The following RORB variants were observed in gnomAD, a reference collection of about 807,000 sequenced individuals.
RORB encodes the protein RAR related orphan receptor B.
In RORB, 6 loss-of-function variants were observed where a neutral mutation model predicts 59.1. The observed-to-expected ratio is 0.10, with a 90% CI of 0.06 to 0.20. RORB has a LOEUF of 0.20. RORB is among the 10% of genes least tolerant of loss of function. The pLI is 1.00. For missense variants in RORB, 320 were observed against 560.5 expected (o/e 0.57, Z 4.33); for synonymous variants, 215 against 204.5 (o/e 1.05, Z -0.44).
chr9:74,538,231 T>C (rs1037708920), intron 1 of RORB, among the ~76,000 whole-genome samples: 4 of 152,084 alleles, frequency 2.6e-5, no homozygotes, highest in Non-Finnish European at 4.4e-5. Context: ...GTACACTCTG[T>C]GGTGTTTACA....
chr9:74,611,123 A>C (rs1205176147), intron 1 of RORB, among the ~76,000 whole-genome samples: 1 of 152,150 alleles, frequency 6.6e-6, no homozygotes, highest in South Asian at 2.1e-4. Context: ...GCACTACGTT[A>C]GTGTGAAAAG....
chr9:74,669,283 A>T (rs575428779), intron 8 of RORB, among the ~76,000 whole-genome samples: 64 of 152,336 alleles, frequency 4.2e-4, no homozygotes, highest in African/African-American at 1.5e-3. Context: ...GTTTGAGAGC[A>T]GCCTGGCTAA....
Position 74,692,956 on chromosome 9 carries a change from A to G in RORB, c.*7338A>G, listed in dbSNP as rs1193374154. ...TTTTTTTAATCATAAATATACTAGA[A>G]TAAAACAGCACTCCCTAACAATTAA... is the stretch of plus-strand genomic sequence containing the variant. On this transcript the variant is annotated 3_prime_UTR_variant, in exon 10 of 10. Transcript: ENST00000376896. 1 of 152,192 alleles carries G rather than the reference A, an allele frequency of 6.6e-6. No individual in the cohort carries two copies. The highest frequency in any genetic ancestry group is 6.5e-5 in the Admixed American group (1 of 15,276). The allele number at this position is 152,192 out of a possible 1,614,324, so 9.4% of individuals were successfully genotyped here.
intron 1 of RORB, among the ~76,000 whole-genome samples, chr9:74,620,907 A>G (rs1823403436): frequency 6.6e-6 from 1 of 152,188 alleles, no homozygotes; most frequent in Non-Finnish European, 1.5e-5. Flanking sequence ...GGACCCTCTC[A>G]GATGCTCCTC....
chr9:74,508,080 G>GT (rs528467031), intron 1 of RORB, among the ~76,000 whole-genome samples: 3 of 151,990 alleles, frequency 2.0e-5, no homozygotes, highest in South Asian at 2.1e-4. Flanking sequence ...AATATGCTGA[G>GT]TTTTTTTCCC....
intron 2 of RORB, among the ~76,000 whole-genome samples, chr9:74,633,757 T>A (rs986962796): frequency 6.6e-6 from 1 of 152,210 alleles, no homozygotes; most frequent in South Asian, 2.1e-4. Context: ...TTTTACCTGA[T>A]GAACCCAAAT....
intron 2 of RORB, among the ~76,000 whole-genome samples, chr9:74,632,495 A>G (rs1239728554): frequency 6.6e-6 from 1 of 152,186 alleles, no homozygotes; most frequent in Non-Finnish European, 1.5e-5. Flanking sequence ...TAAACAACCC[A>G]TTCTAAATAA....
At chr9:74,682,808 T>G (rs1824569039) in intron 9 of RORB, among the ~76,000 whole-genome samples, 1 of 152,204 alleles carries the variant, frequency 6.6e-6, no homozygotes, top group Non-Finnish European at 1.5e-5. Context: ...GCCAGGCTGG[T>G]CTCAAACTCC....
intron 1 of RORB, among the ~76,000 whole-genome samples, chr9:74,623,282 G>T (rs1413017315): frequency 6.6e-6 from 1 of 152,184 alleles, no homozygotes; most frequent in South Asian, 2.1e-4. Context: ...ACCAAACATT[G>T]CTAGAATGCG....
intron 1 of RORB, among the ~76,000 whole-genome samples, chr9:74,559,985 T>G (rs529084248): frequency 6.6e-6 from 1 of 152,310 alleles, no homozygotes; most frequent in South Asian, 2.1e-4. Flanking sequence ...GTCATTTGAA[T>G]GTATTAATAT....
chr9:74,526,860 A>G (rs1033533830), intron 1 of RORB, among the ~76,000 whole-genome samples: 3 of 152,010 alleles, frequency 2.0e-5, no homozygotes, highest in Non-Finnish European at 4.4e-5. Context: ...AAAAGCAAGC[A>G]ACAAAGAGAG....
intron 1 of RORB, among the ~76,000 whole-genome samples, chr9:74,509,140 G>A (rs1825903164): frequency 6.6e-6 from 1 of 151,638 alleles, no homozygotes; most frequent in African/African-American, 2.4e-5. Flanking sequence ...GATCCCCTTG[G>A]GTAAACCATA....
chr9:74,679,542 C>G (rs1824507942), intron 9 of RORB, among the ~76,000 whole-genome samples: 2 of 152,078 alleles, frequency 1.3e-5, no homozygotes, highest in South Asian at 4.2e-4. Flanking sequence ...CAGCTCTCTC[C>G]TGGGATAGTT....
intron 1 of RORB, among the ~76,000 whole-genome samples, chr9:74,558,813 A>C (rs780364045): frequency 2.0e-5 from 3 of 152,212 alleles, no homozygotes; most frequent in Non-Finnish European, 4.4e-5. Flanking sequence ...GAGCTTTGCA[A>C]TCTGTATAAT....
At chr9:74,562,226 G>A (rs955433) in intron 1 of RORB, among the ~76,000 whole-genome samples, 62,870 of 151,922 alleles carry the variant, frequency 0.41, 14,012 homozygotes, top group East Asian at 0.77. Context: ...TGTACACTCA[G>A]TTATATGTCA....
chr9:74,560,231 T>C (rs963010489), intron 1 of RORB, among the ~76,000 whole-genome samples: 1 of 152,204 alleles, frequency 6.6e-6, no homozygotes, highest in Non-Finnish European at 1.5e-5. Context: ...CAGCTTAGTC[T>C]ACAGAGTTCA....
At chr9:74,674,036 T>C (rs1824392493) in intron 9 of RORB, among the ~76,000 whole-genome samples, 1 of 152,332 alleles carries the variant, frequency 6.6e-6, no homozygotes, top group South Asian at 2.1e-4. Flanking sequence ...TTGTCCATTA[T>C]CAAATGCTGG....
intron 8 of RORB, among the ~76,000 whole-genome samples, chr9:74,668,678 G>T (rs909868174): frequency 2.6e-5 from 4 of 152,174 alleles, no homozygotes; most frequent in African/African-American, 9.6e-5. Flanking sequence ...CAGATTTCCT[G>T]TTCATTAAGT....
intron 1 of RORB, among the ~76,000 whole-genome samples, chr9:74,586,442 A>G (rs1258844309): frequency 2.0e-5 from 3 of 152,074 alleles, no homozygotes; most frequent in Non-Finnish European, 2.9e-5. Flanking sequence ...AGGTTGCAGT[A>G]AGCCTAGATG....
Sources: allele counts gnomAD v4.1 joint callset (sites outside exome capture counted in the v4.1 genomes callset), GRCh38; gene constraint gnomAD v4.1.1; transcripts MANE v1.5; gene names NCBI Gene and HGNC (gene_info 2026-07-23, HGNC 2026-07-21).